SLC25A13: variants seen among roughly 807,000 people sequenced by gnomAD.
The protein encoded by SLC25A13 is electrogenic aspartate/glutamate antiporter SLC25A13, mitochondrial.
SLC25A13 carries 70 observed loss-of-function variants against 85.5 expected under a neutral mutation model. The observed-to-expected ratio is 0.82, with a 90% confidence interval of 0.68 to 1.00. The LOEUF is 1.00. SLC25A13 is among the 50% of genes least tolerant of loss of function. SLC25A13 has a pLI of 0.00. For missense variants in SLC25A13, 765 were observed against 819.8 expected (o/e 0.93, Z 0.82); for synonymous variants, 259 against 288.7 (o/e 0.90, Z 1.04).
chr7:96,292,803 T>C (rs1015291876), intron 2 of SLC25A13, among the ~76,000 whole-genome samples: 3 of 152,180 alleles, frequency 2.0e-5, no homozygotes, highest in African/African-American at 4.8e-5. Context: ...TGGAAGAACA[T>C]TCCATGCTCA....
chr7:96,223,889 G>A (rs1458428051), intron 4 of SLC25A13, among the ~76,000 whole-genome samples: 1 of 151,432 alleles, frequency 6.6e-6, no homozygotes, highest in African/African-American at 2.4e-5. Flanking sequence ...ATATCAGTAA[G>A]TAGGAATAGG....
intron 4 of SLC25A13, among the ~76,000 whole-genome samples, chr7:96,211,270 G>A (rs1795686362): frequency 6.6e-6 from 1 of 152,090 alleles, no homozygotes; most frequent in African/African-American, 2.4e-5. Context: ...CATAGACTGT[G>A]TGTGTGCCTC....
At chr7:96,129,334 T>C (rs1584346047) in intron 15 of SLC25A13, among the ~76,000 whole-genome samples, 1 of 152,162 alleles carries the variant, frequency 6.6e-6, no homozygotes, top group Non-Finnish European at 1.5e-5. Flanking sequence ...GACAACAGGA[T>C]GGCAAGAGGG....
At chr7:96,302,158 T>A (rs796672935) in intron 1 of SLC25A13, among the ~76,000 whole-genome samples, 5 of 152,326 alleles carry the variant, frequency 3.3e-5, no homozygotes, top group African/African-American at 1.2e-4. Context: ...ACATACTAGG[T>A]AGGTACATCC....
chr7:96,296,166 T>C (rs2116992724), intron 2 of SLC25A13, among the ~76,000 whole-genome samples: 1 of 151,954 alleles, frequency 6.6e-6, no homozygotes, highest in African/African-American at 2.4e-5. Flanking sequence ...CATCATAAAG[T>C]GATGATAATG....
chr7:96,219,517 T>A (rs772708555), intron 4 of SLC25A13: 3 of 328,210 alleles, frequency 9.1e-6, no homozygotes, highest in African/African-American at 2.2e-5. Flanking sequence ...ATGAAACTAG[T>A]CACCTTTTCC....
chr7:96,185,900 A>T (rs563073691), intron 9 of SLC25A13, among the ~76,000 whole-genome samples: 1 of 151,980 alleles, frequency 6.6e-6, no homozygotes, highest in South Asian at 2.1e-4. Context: ...ACTGTATCAA[A>T]AAAATAAAAT....
At chr7:96,229,680 G>T (rs1437105578) in intron 4 of SLC25A13, among the ~76,000 whole-genome samples, 1 of 151,932 alleles carries the variant, frequency 6.6e-6, no homozygotes, top group Non-Finnish European at 1.5e-5. Context: ...CTCTGGACGG[G>T]AGGAATGAAC....
chr7:96,310,887 C>T (rs1226798996), intron 1 of SLC25A13, among the ~76,000 whole-genome samples: 1 of 152,070 alleles, frequency 6.6e-6, no homozygotes, highest in Non-Finnish European at 1.5e-5. Context: ...AATATACATA[C>T]CATAAAGTTT....
intron 2 of SLC25A13, among the ~76,000 whole-genome samples, chr7:96,291,617 A>G (rs1210182556): frequency 2.0e-5 from 3 of 152,208 alleles, no homozygotes; most frequent in South Asian, 4.1e-4. Flanking sequence ...TCCCACAGAA[A>G]TAAAAACTAC....
intron 2 of SLC25A13, among the ~76,000 whole-genome samples, chr7:96,277,539 G>A (rs1289809191): frequency 1.3e-5 from 2 of 152,122 alleles, no homozygotes; most frequent in Admixed American, 6.5e-5. Context: ...TTAACTGGGA[G>A]CAATGTTTTC....
chr7:96,205,167 C>A (rs1795411492), intron 5 of SLC25A13, among the ~76,000 whole-genome samples: 1 of 152,190 alleles, frequency 6.6e-6, no homozygotes, highest in Admixed American at 6.5e-5. Context: ...CTCGGCCTCC[C>A]AAAGTACTGG....
chr7:96,310,246 A>G (rs1309425019), intron 1 of SLC25A13, among the ~76,000 whole-genome samples: 1 of 152,102 alleles, frequency 6.6e-6, no homozygotes, highest in African/African-American at 2.4e-5. Context: ...CAAGCATTGT[A>G]TTTGGTCATC....
At chr7:96,136,940 G>C (rs61091550) in intron 14 of SLC25A13, among the ~76,000 whole-genome samples, 2 of 152,134 alleles carry the variant, frequency 1.3e-5, no homozygotes, top group African/African-American at 2.4e-5. Flanking sequence ...GGCACCTGTC[G>C]TCAGAGCCAC....
chr7:96,121,521 T>C, intron 17 of SLC25A13, 134 bp downstream of exon 17: 1 of 1,375,932 alleles, frequency 7.3e-7, no homozygotes, highest in East Asian at 2.3e-5. Context: ...GGAAATGACC[T>C]TGTTAACACA....
chr7:96,169,970 A>T, intron 13 of SLC25A13, 75 bp downstream of exon 13: 2 of 1,427,004 alleles, frequency 1.4e-6, no homozygotes, highest in Non-Finnish European at 2.0e-6. Context: ...GCCTTAGTCC[A>T]CACCTGTTGA....
chr7:96,145,305 C>A (rs1482522895), intron 14 of SLC25A13, among the ~76,000 whole-genome samples: 1 of 152,126 alleles, frequency 6.6e-6, no homozygotes. Context: ...ATCACTTGAC[C>A]TGGAGAAGCA....
intron 4 of SLC25A13, among the ~76,000 whole-genome samples, chr7:96,223,351 A>G (rs1401659289): frequency 6.6e-6 from 1 of 152,230 alleles, no homozygotes; most frequent in Non-Finnish European, 1.5e-5. Context: ...AAATAAATTT[A>G]AAAAGTCAAA....
rs1792462287 is a variant in SLC25A13 at position 96,140,054 on chromosome 7, G to A, written c.1452+6502C>T. ...GCTCACTGCAAGCTCCGCCTCCCGG[G>A]TTCACGCCATTCTCCTGCCTCAGCC... On this transcript the variant is annotated intron_variant, in intron 14 of 17. Coordinates refer to ENST00000265631, the MANE Select transcript of SLC25A13 (RefSeq NM_014251.3). Among the ~76,000 whole-genome samples the A allele has an allele frequency of 2.8e-5, 4 of 142,542 alleles. No homozygotes were observed. The South Asian group carries it at 9.0e-4, about 32-fold the overall frequency. 93.5% of individuals were successfully genotyped at this position (142,542 alleles called of 152,430 possible).
Sources: allele counts gnomAD v4.1 joint callset (sites outside exome capture counted in the v4.1 genomes callset), GRCh38; gene constraint gnomAD v4.1.1; transcripts MANE v1.5; gene names NCBI Gene and HGNC (gene_info 2026-07-23, HGNC 2026-07-21).